Variants in CLEC2A observed in about 807,000 individuals in gnomAD.
The protein encoded by CLEC2A is C-type lectin domain family 2 member A, also known as keratinocyte-associated C-type lectin.
Under a neutral mutation model 18.6 loss-of-function variants are expected in CLEC2A, and 19 were observed. That is an observed-to-expected ratio of 1.02 (90% CI 0.71 to 1.50). The LOEUF (loss-of-function observed/expected upper bound fraction) is 1.50. Ranked by LOEUF, CLEC2A falls within the 40% of genes most tolerant of loss-of-function variation. CLEC2A has a pLI of 0.00. For synonymous variants in CLEC2A, 74 were observed against 64.0 expected, an observed-to-expected ratio of 1.16 and a Z score of -0.75; for missense variants, 190 against 207.9, an observed-to-expected ratio of 0.91 and a Z score of 0.53.
intron 4 of CLEC2A, among the ~76,000 whole-genome samples, chr12:9,905,561 A>C (rs1862895169): frequency 1.3e-5 from 2 of 152,190 alleles, no homozygotes; most frequent in Admixed American, 6.5e-5. Flanking sequence ...TTTGATGGGC[A>C]GTTCAGTTTC....
chr12:9,901,475 A>G (rs1862828760), intron 4 of CLEC2A, among the ~76,000 whole-genome samples: 2 of 152,218 alleles, frequency 1.3e-5, no homozygotes. Context: ...CAGACATTAG[A>G]ATTATAGAAA....
chr12:9,905,637 T>G (rs1038541298), intron 4 of CLEC2A, among the ~76,000 whole-genome samples: 1 of 152,114 alleles, frequency 6.6e-6, no homozygotes, highest in Non-Finnish European at 1.5e-5. Context: ...TTTGGTTAGG[T>G]GGTTCTTCGG....
At chr12:9,888,881 C>T in the CLEC2A span, 3 of 623,170 alleles carry the variant, frequency 4.8e-6, no homozygotes, top group Non-Finnish European at 8.5e-6. Flanking sequence ...AAGCCAACAG[C>T]ACTGGTGGAG....
At chr12:9,912,701 G>C (rs1863005604), downstream of CLEC2A, among the ~76,000 whole-genome samples, 1 of 150,722 alleles carries the variant, frequency 6.6e-6, no homozygotes, top group Admixed American at 6.6e-5. Flanking sequence ...TGCTCTGCTA[G>C]AGCACTTCCT....
intron 1 of CLEC2A, among the ~76,000 whole-genome samples, chr12:9,930,266 G>A (rs374785296): frequency 6.6e-6 from 1 of 152,052 alleles, no homozygotes; most frequent in Non-Finnish European, 1.5e-5. Context: ...ATTTTAACGT[G>A]GTAAAGACAC....
chr12:9,897,369 C>A (rs1862767908), downstream of CLEC2A, among the ~76,000 whole-genome samples: 1 of 151,812 alleles, frequency 6.6e-6, no homozygotes, highest in African/African-American at 2.4e-5. Context: ...AACACAAAAC[C>A]CTATTTTTTC....
At chr12:9,913,889 C>T (rs1863027209) in intron 4 of CLEC2A, among the ~76,000 whole-genome samples, 1 of 151,886 alleles carries the variant, frequency 6.6e-6, no homozygotes, top group African/African-American at 2.4e-5. Flanking sequence ...AATCTGTAAC[C>T]CTATTTAGAA....
At chr12:9,899,023 A>C (rs888338154) in intron 4 of CLEC2A, 2 of 696,808 alleles carry the variant, frequency 2.9e-6, no homozygotes, top group African/African-American at 3.5e-5. Flanking sequence ...ACATATATCA[A>C]AACGAAACAA....
chr12:9,886,218 T>C, the CLEC2A span, among the ~76,000 whole-genome samples: 1 of 152,168 alleles, frequency 6.6e-6, no homozygotes, highest in Non-Finnish European at 1.5e-5. Context: ...ACAATATGTG[T>C]GTTTCTATAA....
chr12:9,893,382 A>C, the CLEC2A span: 3 of 1,009,382 alleles, frequency 3.0e-6, no homozygotes, highest in African/African-American at 3.2e-5. Context: ...AAGGCATCAA[A>C]ATTTTTTTAA....
At chr12:9,924,685 A>G (rs867655803) in intron 2 of CLEC2A, among the ~76,000 whole-genome samples, 1 of 152,346 alleles carries the variant, frequency 6.6e-6, no homozygotes, top group Non-Finnish European at 1.5e-5. Flanking sequence ...CCAATGAGAC[A>G]GTCTTGCAAA....
chr12:9,917,723 A>G (rs986298479), intron 3 of CLEC2A, among the ~76,000 whole-genome samples: 2 of 152,232 alleles, frequency 1.3e-5, no homozygotes, highest in East Asian at 1.9e-4. Flanking sequence ...ACTCCAACCA[A>G]TAGTGTATAA....
At chr12:9,896,932 T>C (rs1195212927), downstream of CLEC2A, among the ~76,000 whole-genome samples, 1 of 151,328 alleles carries the variant, frequency 6.6e-6, no homozygotes, top group African/African-American at 2.4e-5. Context: ...CAATCTTGGC[T>C]CACTGCAACC....
At chr12:9,888,121 CAATT>C in the CLEC2A span, among the ~76,000 whole-genome samples, 4 of 134,618 alleles carry the variant, frequency 3.0e-5, no homozygotes, top group Non-Finnish European at 6.4e-5. Context: ...AACAGAATGT[CAATT>C]AAAAAGTCCA....
At chr12:9,888,021 C>G in the CLEC2A span, among the ~76,000 whole-genome samples, 1 of 123,292 alleles carries the variant, frequency 8.1e-6, no homozygotes, top group East Asian at 2.8e-4. Context: ...GCCCACTGCA[C>G]TTCAGCTTAG....
Position 9,932,292 on chromosome 12 carries a change from C to G in CLEC2A, c.38G>C (p.Gly13Ala). Residue 13 changes from glycine to alanine, a missense_variant, in exon 1 of 5, where the codon GGC (glycine) becomes GCC (alanine). By Grantham distance (60) the Gly-to-Ala change is moderately conservative. Transcript: ENST00000455827. ...NPELRDGRADGFIHRIVPKLI... is the reference protein window; with the variant it reads ...NPELRDGRADAFIHRIVPKLI... ...AAACTTACCTATCCGATGTATGAAGCCATCAGCTCTGCCATCCCGCAGCTC... is the reference window on the plus strand; with the variant it reads ...AAACTTACCTATCCGATGTATGAAGGCATCAGCTCTGCCATCCCGCAGCTC... 6.4e-7 allele frequency: 1 copy of G among 1,551,678 alleles called. No homozygotes were observed. The highest frequency in any genetic ancestry group is 8.7e-7 in the Non-Finnish European group (1 of 1,146,702).
chr12:9,880,965 A>G, the CLEC2A span, among the ~76,000 whole-genome samples: 1 of 152,140 alleles, frequency 6.6e-6, no homozygotes. Context: ...ACACCTACTG[A>G]AGGAAAATCT....
At position 9,921,824 on chromosome 12, in the gene CLEC2A, G is replaced by A. The variant is rs527845734; in HGVS notation, c.306+242C>T. 4.6e-5 allele frequency among the ~76,000 whole-genome samples: 7 copies of A among 152,244 alleles called. No homozygotes were observed. In the East Asian group the frequency reaches 9.6e-4, roughly 21 times the overall value. On this transcript the variant is annotated intron_variant, in intron 3 of 4. Transcript: ENST00000455827. The stretch of plus-strand genomic sequence containing the variant: ...TTCATTAAGTGGAAGTGAAGACATC[G>A]TAAAAGTCTTCATCCTCGTTGTTTT...
intron 1 of CLEC2A, among the ~76,000 whole-genome samples, chr12:9,929,521 A>G (rs535569784): frequency 6.6e-6 from 1 of 152,308 alleles, no homozygotes; most frequent in East Asian, 1.9e-4. Context: ...TATCAAATGC[A>G]CTTACTGAAT....
Sources: allele counts gnomAD v4.1 joint callset (sites outside exome capture counted in the v4.1 genomes callset), GRCh38; gene constraint gnomAD v4.1.1; transcripts MANE v1.5; gene names NCBI Gene and HGNC (gene_info 2026-07-23, HGNC 2026-07-21).